Variants in PCNX2 observed in about 807,000 individuals in gnomAD.
PCNX2 encodes the protein pecanex-like protein 2.
In PCNX2, 168 loss-of-function variants were observed where a neutral mutation model predicts 223.8. The observed-to-expected ratio is 0.75, with a 90% CI of 0.66 to 0.85. PCNX2 has a LOEUF of 0.85. Among genes scored for constraint, PCNX2 ranks in the 40% least tolerant of loss-of-function variants. PCNX2 has a pLI of 0.00. For synonymous variants in PCNX2, 1,006 were observed against 1,052.6 expected (o/e 0.96, Z 0.86); for missense variants, 2,507 against 2,675.5 (o/e 0.94, Z 1.39).
chr1:233,292,450 C>G (rs1661832078), intron 1 of PCNX2, among the ~76,000 whole-genome samples: 1 of 152,114 alleles, frequency 6.6e-6, no homozygotes, highest in Non-Finnish European at 1.5e-5. Context: ...CTCAAGGGAT[C>G]CACCCAACTT....
Position 233,262,288 on chromosome 1 carries a change from A to G in PCNX2, c.360-123T>C, listed in dbSNP as rs183891461. ...CATTTTGTTATATTCCTTACATATA[A>G]ATCTTTTTTTGTTGTTGTTAAGAGA... On this transcript the variant is annotated intron_variant, in intron 2 of 33. Coordinates refer to ENST00000258229, the MANE Select transcript of PCNX2 (RefSeq NM_014801.4). 840 of 1,258,434 alleles carry G rather than the reference A, an allele frequency of 6.7e-4. 6 individuals are homozygous for G. The African/African-American group carries it at 0.012, about 18-fold the overall frequency. The allele number at this position is 1,258,434 out of a possible 1,614,324, so 78.0% of individuals were successfully genotyped here. A position where few individuals can be genotyped will look rare whatever the true frequency, so the allele number is the denominator to read the frequency against.
chr1:233,201,292 T>C (rs1165982241), intron 13 of PCNX2, among the ~76,000 whole-genome samples: 1 of 152,064 alleles, frequency 6.6e-6, no homozygotes, highest in Non-Finnish European at 1.5e-5. Context: ...GTGATAATTT[T>C]TGTGCCAAGA....
At chr1:233,229,386 G>C (rs1398751696) in intron 9 of PCNX2, among the ~76,000 whole-genome samples, 1 of 152,180 alleles carries the variant, frequency 6.6e-6, no homozygotes. Context: ...ACACAGAAGA[G>C]AGCTTTGCGG....
intron 21 of PCNX2, among the ~76,000 whole-genome samples, chr1:233,113,780 G>A (rs1340204109): frequency 2.6e-5 from 4 of 152,214 alleles, no homozygotes; most frequent in African/African-American, 9.6e-5. Context: ...TGAAAGCCCA[G>A]AAAATGTGTT....
chr1:233,229,066 T>A (rs184827102), intron 9 of PCNX2, among the ~76,000 whole-genome samples: 1 of 152,162 alleles, frequency 6.6e-6, no homozygotes, highest in Non-Finnish European at 1.5e-5. Context: ...AGGTTATACA[T>A]GGGCAGACAG....
intron 8 of PCNX2, among the ~76,000 whole-genome samples, chr1:233,247,491 T>A (rs1301923664): frequency 6.6e-6 from 1 of 152,208 alleles, no homozygotes; most frequent in Non-Finnish European, 1.5e-5. Context: ...TTGCTATGTT[T>A]TGTTTTGTTT....
intron 23 of PCNX2, among the ~76,000 whole-genome samples, chr1:233,069,277 A>C (rs566239515): frequency 6.6e-6 from 1 of 152,180 alleles, no homozygotes; most frequent in Non-Finnish European, 1.5e-5. Context: ...TTAAACACCC[A>C]TGTCTTAACA....
intron 12 of PCNX2, among the ~76,000 whole-genome samples, chr1:233,210,322 G>A (rs1015547027): frequency 2.0e-5 from 3 of 152,094 alleles, no homozygotes; most frequent in Admixed American, 2.0e-4. Context: ...TGTCGCCCAA[G>A]GCTGGAGTAC....
chr1:233,263,098 T>C lies in PCNX2; in HGVS notation c.219A>G (p.Ile73Met), dbSNP rs1660143654. ...YCSAVTIFFT[I>M]IKLVSYRLHL... ...GTAGGCGATAACTGACCAGTTTGAT[T>C]ATTGTGAAGAATATAGTCACTGCAC... Residue 73 changes from isoleucine (I) to methionine (M), a missense_variant, in exon 2 of 34, where the codon ATA (isoleucine) becomes ATG (methionine). Physicochemically the swap from Ile to Met is conservative, Grantham distance 10. Around this residue, in one of 3 missense-constraint regions of PCNX2, gnomAD observed 1,031 missense variants for 1,021.7 expected, o/e 1.01. Coordinates refer to ENST00000258229, the MANE Select transcript of PCNX2 (RefSeq NM_014801.4). 6.2e-7 allele frequency: 1 copy of C among 1,613,212 alleles called. No homozygotes were observed. Among genetic ancestry groups the C allele is most frequent in the South Asian group, 1.1e-5 (1 of 91,074 alleles).
rs990330629 is a variant in PCNX2 at position 233,134,825 on chromosome 1, C to G, written c.3837+188G>C. ...TTAATTAGTGATTTTTAGCAAATAA[C>G]ATGGCATACTTACATTCCATGGGCA... On this transcript the variant is annotated intron_variant, in intron 21 of 33. Coordinates refer to ENST00000258229, the MANE Select transcript of PCNX2 (RefSeq NM_014801.4). 3 of 587,578 alleles carry G rather than the reference C, an allele frequency of 5.1e-6. No homozygotes were observed. In the African/African-American group the frequency reaches 5.6e-5, roughly 11 times the overall value. 36.4% of individuals were successfully genotyped at this position (587,578 alleles called of 1,614,324 possible).
chr1:233,258,808 T>C lies in PCNX2; in HGVS notation c.1054A>G (p.Ser352Gly). The change falls in exon 5 of 34, where the codon AGT becomes GGT. Residue 352 changes from serine (S) to glycine (G), a missense_variant. Physicochemically the swap from Ser to Gly is moderately conservative, Grantham distance 56 (BLOSUM62 0). Transcript: ENST00000258229. ...PLHQEVDSSD[S>G]EVAVTLIDTS... is the part of the protein sequence containing the mutation. Reference sequence around the variant, plus strand: ...TCGATGAGAGTAACAGCTACCTCACTATCTGAGGAGTCCACTTCCTGGTGC... The same window carrying C: ...TCGATGAGAGTAACAGCTACCTCACCATCTGAGGAGTCCACTTCCTGGTGC... 1 of 1,613,890 alleles carries C rather than the reference T, an allele frequency of 6.2e-7. No individual in the cohort carries two copies. Among genetic ancestry groups the C allele is most frequent in the Non-Finnish European group, 8.5e-7 (1 of 1,179,868 alleles).
At chr1:233,194,533 T>G (rs1036157806) in intron 15 of PCNX2, among the ~76,000 whole-genome samples, 3 of 152,192 alleles carry the variant, frequency 2.0e-5, no homozygotes, top group African/African-American at 7.2e-5. Context: ...ATGAGATAAT[T>G]GACCACTTAG....
At chr1:233,236,019 A>G (rs1302644270) in intron 9 of PCNX2, among the ~76,000 whole-genome samples, 2 of 146,044 alleles carry the variant, frequency 1.4e-5, no homozygotes, top group African/African-American at 5.0e-5. Flanking sequence ...GAGCTTTTCT[A>G]GAATGAACTG....
At chr1:233,184,847 G>T (rs948804079) in intron 15 of PCNX2, among the ~76,000 whole-genome samples, 1 of 151,956 alleles carries the variant, frequency 6.6e-6, no homozygotes, top group Non-Finnish European at 1.5e-5. Context: ...CCAAGAAAAG[G>T]GTGGGATACA....
At chr1:233,319,773 G>A in the PCNX2 span, among the ~76,000 whole-genome samples, 2 of 152,158 alleles carry the variant, frequency 1.3e-5, no homozygotes, top group African/African-American at 4.8e-5. Context: ...GAGTTTTTGT[G>A]TATGTGCTTC....
At chr1:233,276,037 A>G (rs1460475956) in intron 1 of PCNX2, among the ~76,000 whole-genome samples, 1 of 152,032 alleles carries the variant, frequency 6.6e-6, no homozygotes, top group Non-Finnish European at 1.5e-5. Flanking sequence ...CCAAAAAAAA[A>G]AGAAAAAATA....
At chr1:233,084,144 C>G (rs542557678) in intron 23 of PCNX2, among the ~76,000 whole-genome samples, 3 of 152,278 alleles carry the variant, frequency 2.0e-5, no homozygotes, top group African/African-American at 7.2e-5. Context: ...GGCTCACAGA[C>G]AAAGTAACGT....
At chr1:233,005,278 A>T (rs767688986) in intron 28 of PCNX2, among the ~76,000 whole-genome samples, 17 of 152,162 alleles carry the variant, frequency 1.1e-4, no homozygotes, top group Non-Finnish European at 2.1e-4. Context: ...TGGAAAAGGA[A>T]GATTAACACC....
chr1:233,281,921 C>T (rs975885096), intron 1 of PCNX2, among the ~76,000 whole-genome samples: 2 of 152,118 alleles, frequency 1.3e-5, no homozygotes, highest in South Asian at 2.1e-4. Context: ...AATCACAGCC[C>T]TACTCTCAAG....
Sources: gnomAD v4.1 joint callset for allele counts (sites outside exome capture counted in the v4.1 genomes callset) on GRCh38, gnomAD v4.1.1 for gene constraint, gnomAD v4.1.1 regional missense constraint, MANE v1.5 for transcripts, NCBI Gene and HGNC (gene_info 2026-07-23, HGNC 2026-07-21) for gene names.